Variants in CNTN5 observed in about 807,000 individuals in gnomAD.
CNTN5 encodes the protein contactin 5.
A neutral mutation model predicts 129.1 loss-of-function variants in CNTN5; 77 were observed. That is an observed-to-expected ratio of 0.60 (90% confidence interval 0.50 to 0.72). The LOEUF (loss-of-function observed/expected upper bound fraction) is 0.72, where lower values mean the gene tolerates loss of function less well. Among genes scored for constraint, CNTN5 ranks in the 30% least tolerant of loss-of-function variants. CNTN5 has a pLI of 0.00. For missense variants in CNTN5, 1,478 were observed against 1,328.8 expected (o/e 1.11, Z -1.75); for synonymous variants, 509 against 465.6 (o/e 1.09, Z -1.20).
At position 99,601,946 on chromosome 11, in the gene CNTN5, A is replaced by C. The variant is rs1950323762; in HGVS notation, c.55+45677A>C. 1.3e-5 allele frequency among the ~76,000 whole-genome samples: 2 copies of C among 152,174 alleles called. 1 individual carries two copies. Among genetic ancestry groups the C allele is most frequent in the South Asian group, 4.1e-4 (2 of 4,832 alleles). On this transcript the variant is annotated intron_variant, in intron 3 of 24. Coordinates refer to ENST00000524871, the MANE Select transcript of CNTN5 (RefSeq NM_014361.4). The stretch of plus-strand genomic sequence containing the variant: ...TTTACACACTAGCTTATATCTACAA[A>C]ATGCATAACCATTTTACCTATATAC...
chr11:99,668,078 A>C (rs921975560), intron 3 of CNTN5, among the ~76,000 whole-genome samples: 30 of 152,242 alleles, frequency 2.0e-4, no homozygotes, highest in African/African-American at 7.2e-4. Flanking sequence ...CATCTTTCTC[A>C]CTGAAACTGA....
At chr11:99,457,911 C>T (rs933107199) in intron 2 of CNTN5, among the ~76,000 whole-genome samples, 4 of 151,620 alleles carry the variant, frequency 2.6e-5, no homozygotes, top group Admixed American at 1.3e-4. Context: ...ATTAATGTAA[C>T]GTATTTCATT....
chr11:99,139,101 ACCCCCCC>A (rs113293616), intron 1 of CNTN5, among the ~76,000 whole-genome samples: 1 of 129,076 alleles, frequency 7.7e-6, no homozygotes, highest in African/African-American at 2.9e-5. Flanking sequence ...CCCCCTCCCC[ACCCCCCC>A]CCCCCAAAAA....
chr11:100,107,964 T>C (rs907518781), intron 13 of CNTN5, among the ~76,000 whole-genome samples: 7 of 149,718 alleles, frequency 4.7e-5, no homozygotes, highest in African/African-American at 1.7e-4. Context: ...CAAATTTACC[T>C]AAACAGAGAA....
chr11:99,865,645 AAGTGGCTGAGATAAAT>A (rs1320257738), intron 6 of CNTN5, among the ~76,000 whole-genome samples: 1 of 152,068 alleles, frequency 6.6e-6, no homozygotes, highest in Non-Finnish European at 1.5e-5. Context: ...TTTTAGATAA[AAGTGGCTGAGATAAAT>A]TATATTTATC....
intron 2 of CNTN5, among the ~76,000 whole-genome samples, chr11:99,479,996 G>C (rs1273370052): frequency 7.5e-6 from 1 of 133,388 alleles, no homozygotes; most frequent in East Asian, 2.0e-4. Context: ...TTTATTACAA[G>C]ACAAAACAGT....
chr11:100,293,085 C>T (rs566018270), intron 18 of CNTN5, among the ~76,000 whole-genome samples: 1 of 151,866 alleles, frequency 6.6e-6, no homozygotes, highest in African/African-American at 2.4e-5. Flanking sequence ...TGTGAATAGG[C>T]TTTGTATATA....
intron 3 of CNTN5, among the ~76,000 whole-genome samples, chr11:99,724,763 A>T (rs866599511): frequency 3.3e-5 from 5 of 152,210 alleles, no homozygotes; most frequent in African/African-American, 1.2e-4. Flanking sequence ...ACAAAAAAAA[A>T]TTACAAAAAC....
At chr11:99,722,400 TG>T (rs1451597851) in intron 3 of CNTN5, among the ~76,000 whole-genome samples, 1 of 152,114 alleles carries the variant, frequency 6.6e-6, no homozygotes, top group East Asian at 1.9e-4. Context: ...AAATACCACT[TG>T]TTCTCACTTG....
chr11:99,420,391 G>C (rs759268386), intron 2 of CNTN5, among the ~76,000 whole-genome samples: 5 of 152,132 alleles, frequency 3.3e-5, no homozygotes, highest in Non-Finnish European at 5.9e-5. Flanking sequence ...TGGGATTTTA[G>C]AAATTTTAGC....
intron 13 of CNTN5, among the ~76,000 whole-genome samples, chr11:100,160,825 A>C (rs528795192): frequency 7.2e-4 from 109 of 152,014 alleles, no homozygotes; most frequent in Admixed American, 3.0e-3. Flanking sequence ...GGTGGAGAAC[A>C]CTATCTGCAG....
At chr11:99,050,179 C>G (rs1864370141) in intron 1 of CNTN5, among the ~76,000 whole-genome samples, 1 of 151,904 alleles carries the variant, frequency 6.6e-6, no homozygotes. Context: ...GAATTACTGC[C>G]AAACAAAACA....
chr11:100,351,860 T>C (rs754308800), intron 24 of CNTN5, among the ~76,000 whole-genome samples: 6 of 151,530 alleles, frequency 4.0e-5, no homozygotes, highest in Non-Finnish European at 8.9e-5. Context: ...CCCTATGTTA[T>C]TTAACGTATT....
At chr11:99,620,706 C>A (rs1216421580) in intron 3 of CNTN5, among the ~76,000 whole-genome samples, 1 of 150,884 alleles carries the variant, frequency 6.6e-6, no homozygotes, top group African/African-American at 2.4e-5. Context: ...AAAGCTAGGC[C>A]CCCGCTCCCC....
intron 9 of CNTN5, chr11:100,003,825 A>G (rs1270428674): frequency 6.6e-6 from 1 of 152,202 alleles, no homozygotes; most frequent in African/African-American, 2.4e-5. Flanking sequence ...GGGAGTGTAA[A>G]GAAGACTGCT....
At chr11:99,331,598 A>C (rs949320240) in intron 2 of CNTN5, among the ~76,000 whole-genome samples, 2 of 152,182 alleles carry the variant, frequency 1.3e-5, no homozygotes, top group African/African-American at 4.8e-5. Flanking sequence ...TTTTACCTGT[A>C]AAATAATAAT....
At chr11:100,179,375 A>T (rs1948068605) in intron 13 of CNTN5, among the ~76,000 whole-genome samples, 1 of 152,120 alleles carries the variant, frequency 6.6e-6, no homozygotes, top group Admixed American at 6.6e-5. Context: ...AACAGAGAAA[A>T]CTTCTATGGA....
chr11:100,303,355 TA>T (rs1951270970), intron 20 of CNTN5, among the ~76,000 whole-genome samples: 1 of 151,560 alleles, frequency 6.6e-6, no homozygotes, highest in Admixed American at 6.6e-5. Flanking sequence ...TGATAAAAAT[TA>T]ATTTTTTTCC....
intron 13 of CNTN5, among the ~76,000 whole-genome samples, chr11:100,178,798 G>T (rs1277197405): frequency 6.6e-6 from 1 of 152,110 alleles, no homozygotes; most frequent in African/African-American, 2.4e-5. Context: ...CTCTATCTTG[G>T]TCACTGGAGA....
Sources: gnomAD v4.1 joint callset for allele counts (sites outside exome capture counted in the v4.1 genomes callset) on GRCh38, gnomAD v4.1.1 for gene constraint, MANE v1.5 for transcripts, NCBI Gene and HGNC (gene_info 2026-07-23, HGNC 2026-07-21) for gene names.